The following ANKRD17 variants were observed in gnomAD, a reference collection of about 807,000 sequenced individuals.
ANKRD17 encodes ankyrin repeat domain 17, also known as ankyrin repeat domain-containing protein 17.
Under a neutral mutation model 229.7 loss-of-function variants are expected in ANKRD17, and 19 were observed. The ratio of observed to expected loss-of-function variants is 0.08; its 90% CI spans 0.06 to 0.12. The LOEUF is 0.12. ANKRD17 is among the 10% of genes least tolerant of loss of function. ANKRD17 has a pLI of 1.00. For synonymous variants in ANKRD17, 1,112 were observed against 1,146.1 expected, an observed-to-expected ratio of 0.97 and a Z score of 0.60; for missense variants, 2,176 against 3,176.8, an observed-to-expected ratio of 0.68 and a Z score of 7.57.
intron 7 of ANKRD17, 96 bp downstream of exon 7, chr4:73,151,334 G>A (rs905616952): frequency 1.8e-6 from 2 of 1,082,764 alleles, no homozygotes; most frequent in Non-Finnish European, 2.7e-6. Context: ...CTGACAAACA[G>A]AATCATAGCA....
At chr4:73,219,678 T>C (rs1009950399) in intron 1 of ANKRD17, among the ~76,000 whole-genome samples, 1 of 152,192 alleles carries the variant, frequency 6.6e-6, no homozygotes, top group East Asian at 1.9e-4. Flanking sequence ...CCATAGAGAG[T>C]TGGCACTTTT....
intron 24 of ANKRD17, among the ~76,000 whole-genome samples, chr4:73,109,569 A>C (rs557297215): frequency 6.6e-6 from 1 of 152,124 alleles, no homozygotes; most frequent in East Asian, 1.9e-4. Flanking sequence ...TGGAGTTCCT[A>C]GGATAAGGGA....
chr4:73,177,759 A>C (rs912588936), intron 1 of ANKRD17, among the ~76,000 whole-genome samples: 2 of 152,184 alleles, frequency 1.3e-5, no homozygotes, highest in African/African-American at 4.8e-5. Flanking sequence ...TCTCATATGC[A>C]GCCTAATTTT....
intron 8 of ANKRD17, among the ~76,000 whole-genome samples, chr4:73,147,939 C>G (rs1730507682): frequency 6.6e-6 from 1 of 152,066 alleles, no homozygotes; most frequent in African/African-American, 2.4e-5. Flanking sequence ...ATCAATACTA[C>G]CACCATCACT....
At chr4:73,114,182 A>AC (rs1725655862) in intron 23 of ANKRD17, among the ~76,000 whole-genome samples, 1 of 152,186 alleles carries the variant, frequency 6.6e-6, no homozygotes, top group Non-Finnish European at 1.5e-5. Flanking sequence ...CTCTAATTTA[A>AC]ATATAAGAAA....
chr4:73,138,003 T>C (rs933806919), intron 15 of ANKRD17, among the ~76,000 whole-genome samples: 2 of 152,150 alleles, frequency 1.3e-5, no homozygotes, highest in African/African-American at 4.8e-5. Flanking sequence ...CAACCATTAC[T>C]GTGTAATACC....
chr4:73,074,715 TTA>T lies in ANKRD17; in HGVS notation c.*1514_*1515del, dbSNP rs1720896600. On this transcript the variant is annotated 3_prime_UTR_variant, in exon 34 of 34. Coordinates refer to ENST00000358602, the MANE Select transcript of ANKRD17 (RefSeq NM_032217.5). ...CAACTCTAGGTGATTTATATGAATTTTAGTTAGTTTTTATGTTTTACCAGTGT... is the reference window on the plus strand; with the variant it reads ...CAACTCTAGGTGATTTATATGAATTTGTTAGTTTTTATGTTTTACCAGTGT... The T allele has an allele frequency of 6.6e-6, 1 of 152,312 alleles. No homozygotes were observed. The highest frequency in any genetic ancestry group is 1.5e-5 in the Non-Finnish European group (1 of 67,862). The allele number at this position is 152,312 out of a possible 1,614,324, so 9.4% of individuals were successfully genotyped here. A position where few individuals can be genotyped will look rare whatever the true frequency, so the allele number is the denominator to read the frequency against.
At chr4:73,111,682 A>G (rs905070247) in intron 24 of ANKRD17, among the ~76,000 whole-genome samples, 3 of 152,206 alleles carry the variant, frequency 2.0e-5, no homozygotes, top group Admixed American at 2.0e-4. Flanking sequence ...CTTATTATGG[A>G]CTATTCTGCA....
chr4:73,168,462 ACTC>A (rs1166597236), intron 2 of ANKRD17, among the ~76,000 whole-genome samples: 1 of 152,142 alleles, frequency 6.6e-6, no homozygotes, highest in East Asian at 1.9e-4. Flanking sequence ...ATATATATAC[ACTC>A]CTCAATTAAA....
In ANKRD17 at chr4:73,091,513, G is replaced by A; in HGVS notation, c.6115C>T (p.Pro2039Ser). The A allele has an allele frequency of 1.2e-6, 2 of 1,614,182 alleles. No individual in the cohort carries two copies. Among genetic ancestry groups the A allele is most frequent in the Non-Finnish European group, 1.7e-6 (2 of 1,180,038 alleles). ...YPMPTAKEHY[P>S]VSSPSSPSPP... is the part of the protein sequence containing the mutation. ...GATGGGGAAGATGGGGATGATACTGGATAGTGTTCTTTGGCAGTAGGCATA... is the reference window on the plus strand; with the variant it reads ...GATGGGGAAGATGGGGATGATACTGAATAGTGTTCTTTGGCAGTAGGCATA... The change falls in exon 29 of 34, where the codon CCA becomes TCA. Residue 2039 changes from proline (P) to serine (S), a missense_variant. Pro to Ser is a moderately conservative substitution (Grantham distance 74). This residue lies in a region of ANKRD17 where 424 missense variants were observed against 454.0 expected (regional missense o/e 0.93). Coordinates refer to ENST00000358602, the MANE Select transcript of ANKRD17 (RefSeq NM_032217.5).
At position 73,153,973 on chromosome 4, in the gene ANKRD17, C is replaced by G. The variant is rs370777983; in HGVS notation, c.1141G>C (p.Glu381Gln). ...LMEAGSAGHV[E>Q]VARLLLENGA... ...TTTTCTAGCAGCAATCTGGCTACTT[C>G]CACATGTCCAGCACTTCCAGCTTCC... Residue 381 changes from glutamate (E) to glutamine (Q), a missense_variant, in exon 6 of 34, where the codon GAA becomes CAA. Around this residue, in one of 18 missense-constraint regions of ANKRD17, gnomAD observed 184 missense variants for 357.8 expected, o/e 0.51. Coordinates refer to ENST00000358602, the MANE Select transcript of ANKRD17 (RefSeq NM_032217.5). The G allele has an allele frequency of 5.0e-6, 8 of 1,613,582 alleles. No homozygotes were observed. Among genetic ancestry groups the G allele is most frequent in the Non-Finnish European group, 6.8e-6 (8 of 1,179,850 alleles).
In ANKRD17 at chr4:73,246,721, A is replaced by C. The variant is rs79964407; in HGVS notation, c.393+11555T>G. Among the ~76,000 whole-genome samples, 7 of 152,302 alleles carry C rather than the reference A, an allele frequency of 4.6e-5. No homozygotes were observed. The East Asian group carries it at 1.3e-3, about 29-fold the overall frequency. ...TTGCTGTGCGGGGTAAAAGGAAGCA[A>C]GATGACCAACAAAAAACAGTGAGGT... On this transcript the variant is annotated intron_variant, in intron 1 of 33. Transcript: ENST00000358602.
At chr4:73,186,275 T>C (rs1005604654) in intron 1 of ANKRD17, among the ~76,000 whole-genome samples, 3 of 152,004 alleles carry the variant, frequency 2.0e-5, no homozygotes, top group Non-Finnish European at 4.4e-5. Flanking sequence ...GACAAAATCT[T>C]CAGTAATGTC....
At chr4:73,184,500 C>A (rs1736011427) in intron 1 of ANKRD17, among the ~76,000 whole-genome samples, 1 of 140,546 alleles carries the variant, frequency 7.1e-6, no homozygotes, top group Non-Finnish European at 1.5e-5. Flanking sequence ...TTGCACCCAG[C>A]CTGAGGGACA....
rs916704970 is a variant in ANKRD17 at position 73,085,505 on chromosome 4, C to A, written c.6962-59G>T. Reference sequence around the variant, plus strand: ...GTTACTCCTGCAAGAAATAGAGATACCTTAAAATTCTAAAAGGCCCTAAAT... The same window carrying A: ...GTTACTCCTGCAAGAAATAGAGATAACTTAAAATTCTAAAAGGCCCTAAAT... On this transcript the variant is annotated intron_variant, in intron 29 of 33. Transcript: ENST00000358602. The A allele has an allele frequency of 2.8e-6, 4 of 1,425,114 alleles. No individual in the cohort carries two copies. The African/African-American group carries it at 4.3e-5, about 15-fold the overall frequency. The allele number at this position is 1,425,114 out of a possible 1,614,324, so 88.3% of individuals were successfully genotyped here. A position where few individuals can be genotyped will look rare whatever the true frequency, so the allele number is the denominator to read the frequency against.
At chr4:73,081,082 A>T (rs1721513812) in intron 30 of ANKRD17, among the ~76,000 whole-genome samples, 1 of 152,218 alleles carries the variant, frequency 6.6e-6, no homozygotes, top group South Asian at 2.1e-4. Flanking sequence ...CCCTCTCTGC[A>T]CAACTATTGG....
intron 24 of ANKRD17, among the ~76,000 whole-genome samples, chr4:73,105,478 C>T (rs569696441): frequency 6.6e-6 from 1 of 151,934 alleles, no homozygotes. Context: ...CAGAGGAAGA[C>T]AAACAGGAGA....
chr4:73,189,403 G>GTTTT lies in ANKRD17; in HGVS notation c.394-11874_394-11871dup, dbSNP rs763345325. 5.8e-3 allele frequency among the ~76,000 whole-genome samples: 650 copies of GTTTT among 112,652 alleles called. 53 individuals carry two copies. The highest frequency in any genetic ancestry group is 0.02 in the African/African-American group (577 of 28,442). The allele number at this position is 112,652 out of a possible 152,430, so 73.9% of individuals were successfully genotyped here. ...ACGGTGATATTCCTCTGCCTGGAAT[G>GTTTT]TTTTTTTTTTTTTTTTTTTTGAAAC... is the stretch of plus-strand genomic sequence containing the variant. On this transcript the variant is annotated intron_variant, in intron 1 of 33. Transcript: ENST00000358602.
At position 73,113,786 on chromosome 4, in the gene ANKRD17, T is replaced by C; in HGVS notation, c.4401+6A>G. The C allele has an allele frequency of 1.2e-6, 2 of 1,604,522 alleles. No homozygotes were observed. The highest frequency in any genetic ancestry group is 1.7e-6 in the Non-Finnish European group (2 of 1,171,630). On this transcript the variant is annotated splice_donor_region_variant and intron_variant, in intron 24 of 33. Transcript: ENST00000358602. ...GGTAGTTTTCATGTGTAAAGATTAT[T>C]GTTACCTTTTCCAAGTCTAACTCCT...
Sources: allele counts gnomAD v4.1 joint callset (sites outside exome capture counted in the v4.1 genomes callset), GRCh38; gene constraint gnomAD v4.1.1; regional missense constraint gnomAD v4.1.1; transcripts MANE v1.5; gene names NCBI Gene and HGNC (gene_info 2026-07-23, HGNC 2026-07-21).